ZBTB7C: variants seen among roughly 807,000 people sequenced by gnomAD.
ZBTB7C encodes the protein zinc finger and BTB domain-containing protein 7C.
Under a neutral mutation model 25.7 loss-of-function variants are expected in ZBTB7C, and 8 were observed. The ratio of observed to expected loss-of-function variants is 0.31; its 90% CI spans 0.18 to 0.56. ZBTB7C has a LOEUF of 0.56. ZBTB7C is among the 20% of genes least tolerant of loss of function. The probability of loss-of-function intolerance (pLI) is 0.91; values close to 1 mark genes in which losing one functional copy is unlikely to be tolerated. For missense variants in ZBTB7C, 824 were observed against 855.2 expected (o/e 0.96, Z 0.46); for synonymous variants, 394 against 369.0 (o/e 1.07, Z -0.78).
chr18:48,224,894 A>G (rs888192576), intron 2 of ZBTB7C, among the ~76,000 whole-genome samples: 2 of 152,234 alleles, frequency 1.3e-5, no homozygotes, highest in Non-Finnish European at 2.9e-5. Context: ...TAACTCAAGC[A>G]ACTACTTTTA....
intron 3 of ZBTB7C, among the ~76,000 whole-genome samples, chr18:48,054,633 A>G (rs1376249255): frequency 6.6e-6 from 1 of 152,150 alleles, no homozygotes; most frequent in East Asian, 1.9e-4. Context: ...CAGAACTTGT[A>G]CTTTTCTTCT....
intron 3 of ZBTB7C, among the ~76,000 whole-genome samples, chr18:48,091,273 G>C (rs1289270104): frequency 3.8e-5 from 5 of 129,904 alleles, no homozygotes; most frequent in African/African-American, 1.6e-4. Flanking sequence ...TGGAGAGACA[G>C]GGTCTTGTTA....
At chr18:48,277,855 G>C (rs960796107) in intron 2 of ZBTB7C, among the ~76,000 whole-genome samples, 1 of 149,696 alleles carries the variant, frequency 6.7e-6, no homozygotes, top group Admixed American at 6.6e-5. Context: ...TTTTTAAATC[G>C]ACCCCCTTCC....
chr18:48,381,242 C>T (rs1410281413), intron 1 of ZBTB7C, among the ~76,000 whole-genome samples: 4 of 152,152 alleles, frequency 2.6e-5, no homozygotes, highest in Non-Finnish European at 4.4e-5. Context: ...AGATCCAACA[C>T]AGGAGAGAAT....
At chr18:48,192,448 T>TA (rs1246718486) in intron 2 of ZBTB7C, among the ~76,000 whole-genome samples, 1 of 152,198 alleles carries the variant, frequency 6.6e-6, no homozygotes. Flanking sequence ...AACTCCAGTG[T>TA]AAACGGTTGA....
chr18:48,194,826 A>G (rs2042280491), intron 2 of ZBTB7C, among the ~76,000 whole-genome samples: 1 of 121,598 alleles, frequency 8.2e-6, no homozygotes, highest in African/African-American at 3.1e-5. Flanking sequence ...ACAGATGAGG[A>G]GGAGTGGGTG....
chr18:48,037,391 G>T (rs1598751379), intron 4 of ZBTB7C, among the ~76,000 whole-genome samples: 1 of 152,252 alleles, frequency 6.6e-6, no homozygotes, highest in South Asian at 2.1e-4. Flanking sequence ...TCAGGAATGT[G>T]CTGGGAGGGA....
intron 3 of ZBTB7C, among the ~76,000 whole-genome samples, chr18:48,051,860 C>A (rs2036699987): frequency 6.6e-6 from 1 of 151,740 alleles, no homozygotes; most frequent in African/African-American, 2.4e-5. Context: ...CTGCGGCAGG[C>A]AAATCAAATG....
At chr18:48,208,370 GT>G (rs1240770128) in intron 2 of ZBTB7C, among the ~76,000 whole-genome samples, 1 of 152,022 alleles carries the variant, frequency 6.6e-6, no homozygotes, top group Non-Finnish European at 1.5e-5. Context: ...AGAGACCCCT[GT>G]CCCCACCCCT....
chr18:48,191,056 C>T (rs2042182295), intron 2 of ZBTB7C, among the ~76,000 whole-genome samples: 1 of 152,184 alleles, frequency 6.6e-6, no homozygotes, highest in South Asian at 2.1e-4. Context: ...GGCCAAATAC[C>T]TTGCCTTGAG....
chr18:48,071,775 G>T (rs1403889038), intron 3 of ZBTB7C, among the ~76,000 whole-genome samples: 3 of 152,226 alleles, frequency 2.0e-5, no homozygotes, highest in Admixed American at 2.0e-4. Context: ...AACCAAATGT[G>T]ATATATACAC....
At chr18:48,070,104 G>A (rs2037486898) in intron 3 of ZBTB7C, among the ~76,000 whole-genome samples, 1 of 152,132 alleles carries the variant, frequency 6.6e-6, no homozygotes, top group Non-Finnish European at 1.5e-5. Context: ...TGACCTCAAG[G>A]GGCACCAAAG....
chr18:48,274,218 A>G (rs1232315107), intron 2 of ZBTB7C, among the ~76,000 whole-genome samples: 1 of 152,180 alleles, frequency 6.6e-6, no homozygotes, highest in Non-Finnish European at 1.5e-5. Context: ...CTACCTCTCA[A>G]TACCCCAGTA....
At chr18:48,119,435 C>T (rs1401597544) in intron 3 of ZBTB7C, among the ~76,000 whole-genome samples, 4 of 152,374 alleles carry the variant, frequency 2.6e-5, no homozygotes, top group East Asian at 3.9e-4. Context: ...GGAAGACCTG[C>T]GTTCCACACA....
intron 3 of ZBTB7C, among the ~76,000 whole-genome samples, chr18:48,184,635 CCAGCTGCCCCT>C (rs2042009981): frequency 2.6e-5 from 4 of 151,938 alleles, no homozygotes; most frequent in Admixed American, 2.6e-4. Context: ...TAAATATATC[CCAGCTGCCCCT>C]CATCCTGAGC....
intron 3 of ZBTB7C, among the ~76,000 whole-genome samples, chr18:48,059,169 T>C (rs748873117): frequency 1.3e-5 from 2 of 152,226 alleles, no homozygotes; most frequent in Non-Finnish European, 2.9e-5. Context: ...AAGCAGGATG[T>C]ACTCTTTGGC....
chr18:48,315,925 C>A (rs921578613), intron 2 of ZBTB7C, among the ~76,000 whole-genome samples: 1 of 152,160 alleles, frequency 6.6e-6, no homozygotes, highest in African/African-American at 2.4e-5. Context: ...TACCTAAGCA[C>A]GGGAAGCGCC....
chr18:48,332,741 G>T (rs577497569), intron 2 of ZBTB7C, among the ~76,000 whole-genome samples: 1 of 124,678 alleles, frequency 8.0e-6, no homozygotes. Flanking sequence ...CAGGGACCTC[G>T]TATTCCCTCC....
chr18:48,366,135 A>G (rs1475820926), intron 1 of ZBTB7C, among the ~76,000 whole-genome samples: 1 of 152,232 alleles, frequency 6.6e-6, no homozygotes, highest in Non-Finnish European at 1.5e-5. Context: ...TACCCAGGCC[A>G]CCAGCTGCCA....
Sources: gnomAD v4.1 joint callset for allele counts (sites outside exome capture counted in the v4.1 genomes callset) on GRCh38, gnomAD v4.1.1 for gene constraint, MANE v1.5 for transcripts, NCBI Gene and HGNC (gene_info 2026-07-23, HGNC 2026-07-21) for gene names.